EFR3A: variants seen among roughly 807,000 people sequenced by gnomAD.
EFR3A encodes EFR3 homolog A, also known as protein EFR3 homolog A.
A neutral mutation model predicts 104.4 loss-of-function variants in EFR3A; 76 were observed. The observed-to-expected ratio is 0.73, with a 90% CI of 0.60 to 0.88. The LOEUF (loss-of-function observed/expected upper bound fraction) is 0.88, where lower values mean the gene tolerates loss of function less well. Ranked by LOEUF, EFR3A falls within the 40% of genes least tolerant of loss-of-function variation. The pLI is 0.00. For synonymous variants in EFR3A, 330 were observed against 330.0 expected (o/e 1.00, Z 0.00); for missense variants, 985 against 1,012.5 (o/e 0.97, Z 0.37).
At chr8:131,996,251 G>A (rs539135658) in intron 18 of EFR3A, 155 bp from the exon 19 acceptor site, 34 of 469,466 alleles carry the variant, frequency 7.2e-5, no homozygotes, top group East Asian at 6.4e-4. Context: ...GTAAAAGTCC[G>A]AGAACACGCT....
intron 17 of EFR3A, 67 bp from the exon 18 acceptor site, chr8:131,987,508 T>C: frequency 6.7e-7 from 1 of 1,485,434 alleles, no homozygotes; most frequent in Admixed American, 2.5e-5. Flanking sequence ...TGGAATGTTT[T>C]GCATAGTAAC....
At chr8:131,910,418 T>C (rs1335551076) in intron 1 of EFR3A, among the ~76,000 whole-genome samples, 1 of 152,138 alleles carries the variant, frequency 6.6e-6, no homozygotes, top group African/African-American at 2.4e-5. Context: ...ACTACAGGTG[T>C]GCGCCACCAC....
At chr8:131,971,685 CAAA>C (rs34769645) in intron 10 of EFR3A, among the ~76,000 whole-genome samples, 6 of 126,154 alleles carry the variant, frequency 4.8e-5, no homozygotes, top group Admixed American at 8.0e-5. Context: ...GACTCCGTCT[CAAA>C]AAAAAAAAAA....
chr8:131,974,212 A>T (rs1299100637), intron 10 of EFR3A, among the ~76,000 whole-genome samples: 2 of 152,194 alleles, frequency 1.3e-5, no homozygotes, highest in East Asian at 3.9e-4. Flanking sequence ...CTAGGTAATT[A>T]TAATATGCAG....
rs565704402 is a variant in EFR3A at position 131,983,240 on chromosome 8, A to G, written c.1576-899A>G. ...TGAGTGTTCTTAACCCTGCCTGCCT[A>G]TTATAACCACATGGGGAGCTTTATA... On this transcript the variant is annotated intron_variant, in intron 14 of 22. Coordinates refer to ENST00000254624, the MANE Select transcript of EFR3A (RefSeq NM_015137.6). Among the ~76,000 whole-genome samples, 281 of 152,224 alleles carry G rather than the reference A, an allele frequency of 1.8e-3. 2 individuals are homozygous for G. Among genetic ancestry groups the G allele is most frequent in the African/African-American group, 6.6e-3 (273 of 41,540 alleles).
intron 8 of EFR3A, among the ~76,000 whole-genome samples, chr8:131,963,203 C>A (rs1244958085): frequency 1.3e-5 from 2 of 152,026 alleles, no homozygotes; most frequent in African/African-American, 4.8e-5. Flanking sequence ...TAGCAGAAGG[C>A]AAGAAATAAC....
At chr8:131,931,746 A>G (rs10956619) in intron 1 of EFR3A, among the ~76,000 whole-genome samples, 67,706 of 151,780 alleles carry the variant, frequency 0.45, 15,592 homozygotes, top group East Asian at 0.67. Flanking sequence ...ATGAAAAAAA[A>G]CCAGCTAACA....
chr8:131,963,575 AT>A (rs1212951114), intron 8 of EFR3A, among the ~76,000 whole-genome samples: 1 of 152,194 alleles, frequency 6.6e-6, no homozygotes, highest in Non-Finnish European at 1.5e-5. Context: ...CGAGGCAATA[AT>A]TAATAGCTTA....
chr8:131,982,557 A>G (rs942690408), intron 14 of EFR3A, among the ~76,000 whole-genome samples: 1 of 152,158 alleles, frequency 6.6e-6, no homozygotes, highest in African/African-American at 2.4e-5. Context: ...ATAATGCCAT[A>G]CCAATTTGTA....
In EFR3A at chr8:131,941,710, CTG is replaced by C. The variant is rs376357256; in HGVS notation, c.87+1138_87+1139del. On this transcript the variant is annotated intron_variant, in intron 2 of 22. Transcript: ENST00000254624. ...TTGCCTCTAAAGCAGGGAGGTATCA[CTG>C]TGGGTTGGGAACCTCCGGGAAGCAT... Among the ~76,000 whole-genome samples, 165 of 152,144 alleles carry C rather than the reference CTG, an allele frequency of 1.1e-3. No individual in the cohort carries two copies. In the Middle Eastern group the frequency reaches 0.014, roughly 13 times the overall value.
At chr8:131,968,060 T>C (rs1011978915) in intron 8 of EFR3A, among the ~76,000 whole-genome samples, 1 of 152,166 alleles carries the variant, frequency 6.6e-6, no homozygotes, top group African/African-American at 2.4e-5. Flanking sequence ...TTGAATTTTA[T>C]TAAACATAGA....
chr8:131,914,541 C>G (rs925119929), intron 1 of EFR3A, among the ~76,000 whole-genome samples: 5 of 152,116 alleles, frequency 3.3e-5, no homozygotes, highest in Non-Finnish European at 7.4e-5. Flanking sequence ...AAAATTTCTT[C>G]CACAGAGTAT....
intron 19 of EFR3A, among the ~76,000 whole-genome samples, chr8:131,997,592 G>T (rs1821560324): frequency 1.3e-5 from 2 of 151,944 alleles, no homozygotes; most frequent in South Asian, 4.2e-4. Flanking sequence ...CCAGTTTAAG[G>T]CTTAATAACA....
At chr8:131,954,607 A>G (rs1422103305) in intron 6 of EFR3A, among the ~76,000 whole-genome samples, 3 of 150,774 alleles carry the variant, frequency 2.0e-5, no homozygotes, top group Non-Finnish European at 4.4e-5. Flanking sequence ...ATACACAGAG[A>G]TAATAAGTTA....
intron 1 of EFR3A, among the ~76,000 whole-genome samples, chr8:131,911,501 A>G (rs559965583): frequency 2.0e-5 from 3 of 152,344 alleles, no homozygotes; most frequent in South Asian, 2.1e-4. Context: ...GTTTTATCCA[A>G]TCATTAAGGG....
At chr8:131,943,038 A>G (rs1818239840) in intron 2 of EFR3A, among the ~76,000 whole-genome samples, 1 of 152,112 alleles carries the variant, frequency 6.6e-6, no homozygotes, top group South Asian at 2.1e-4. Flanking sequence ...GAACATCCCT[A>G]ATCCAAAAAC....
At chr8:131,978,031 T>C (rs978875366) in intron 12 of EFR3A, among the ~76,000 whole-genome samples, 2 of 152,148 alleles carry the variant, frequency 1.3e-5, no homozygotes, top group Admixed American at 1.3e-4. Flanking sequence ...GGGTAGACAG[T>C]TGTCCCACCA....
At chr8:131,953,988 G>T in intron 6 of EFR3A, 21 bp downstream of exon 6, 1 of 1,508,744 alleles carries the variant, frequency 6.6e-7, no homozygotes, top group South Asian at 1.3e-5. Flanking sequence ...AAATATTAGT[G>T]TTGAGACAGT....
At chr8:131,958,597 T>G (rs114227886) in intron 7 of EFR3A, among the ~76,000 whole-genome samples, 1,758 of 152,154 alleles carry the variant, frequency 0.012, 11 homozygotes, top group Middle Eastern at 0.034. Context: ...TCTTTTTTTT[T>G]TTTGTACCAT....
Sources: allele counts gnomAD v4.1 joint callset (sites outside exome capture counted in the v4.1 genomes callset), GRCh38; gene constraint gnomAD v4.1.1; transcripts MANE v1.5; gene names NCBI Gene and HGNC (gene_info 2026-07-23, HGNC 2026-07-21).